Variants in TENM3 observed in about 807,000 individuals in gnomAD.
The protein encoded by TENM3 is teneurin-3.
In TENM3, 63 loss-of-function variants were observed where a neutral mutation model predicts 255.1. The ratio of observed to expected loss-of-function variants is 0.25; its 90% confidence interval spans 0.20 to 0.30. The LOEUF is 0.30. Among genes scored for constraint, TENM3 ranks in the 10% least tolerant of loss-of-function variants. The probability of loss-of-function intolerance (pLI) is 1.00; values close to 1 mark genes in which losing one functional copy is unlikely to be tolerated. For synonymous variants in TENM3, 1,306 were observed against 1,322.3 expected, an observed-to-expected ratio of 0.99 and a Z score of 0.27; for missense variants, 2,929 against 3,461.1, an observed-to-expected ratio of 0.85 and a Z score of 3.86.
chr4:182,762,962 C>T (rs1175227369), intron 22 of TENM3, among the ~76,000 whole-genome samples: 1 of 150,400 alleles, frequency 6.6e-6, no homozygotes, highest in South Asian at 2.1e-4. Context: ...AAGTTCATCC[C>T]AAAGTTTGGT....
the TENM3 span, among the ~76,000 whole-genome samples, chr4:181,447,999 G>A: frequency 6.6e-6 from 1 of 151,778 alleles, no homozygotes; most frequent in Non-Finnish European, 1.5e-5. Context: ...AGTGTGCAAT[G>A]CTACAAATGG....
intron 1 of TENM3, among the ~76,000 whole-genome samples, chr4:182,254,286 C>T (rs1296383305): frequency 6.6e-6 from 1 of 151,720 alleles, no homozygotes; most frequent in African/African-American, 2.4e-5. Flanking sequence ...CATCTTCAGC[C>T]GTTCCACCCA....
the TENM3 span, among the ~76,000 whole-genome samples, chr4:181,901,507 A>G: frequency 6.6e-6 from 1 of 152,230 alleles, no homozygotes; most frequent in African/African-American, 2.4e-5. Context: ...GATCCTGCCT[A>G]CAAGAATTAT....
At chr4:181,905,731 C>T in the TENM3 span, 2 of 238,366 alleles carry the variant, frequency 8.4e-6, no homozygotes, top group Non-Finnish European at 1.6e-5. Context: ...ACCTTAAAAG[C>T]CTGGTATGCT....
chr4:182,097,268 CTG>C, the TENM3 span, among the ~76,000 whole-genome samples: 1 of 152,172 alleles, frequency 6.6e-6, no homozygotes, highest in East Asian at 1.9e-4. Context: ...TCCTTTTACT[CTG>C]TTACTTCTCC....
At chr4:182,679,537 G>C in intron 7 of TENM3, 129 bp from the exon 8 acceptor site, 1 of 707,072 alleles carries the variant, frequency 1.4e-6, no homozygotes, top group Non-Finnish European at 2.4e-6. Context: ...CTACCATTTG[G>C]ACCTGTCAGG....
the TENM3 span, among the ~76,000 whole-genome samples, chr4:181,841,978 C>T: frequency 6.6e-6 from 1 of 152,106 alleles, no homozygotes; most frequent in African/African-American, 2.4e-5. Context: ...TTATCATATT[C>T]CATATCTATA....
At chr4:182,497,803 A>G (rs904359610) in intron 3 of TENM3, among the ~76,000 whole-genome samples, 2 of 151,000 alleles carry the variant, frequency 1.3e-5, no homozygotes, top group African/African-American at 2.5e-5. Context: ...TAGACACGTG[A>G]TGTATATATA....
At chr4:181,512,268 T>C in the TENM3 span, among the ~76,000 whole-genome samples, 4 of 152,190 alleles carry the variant, frequency 2.6e-5, no homozygotes, top group African/African-American at 9.6e-5. Context: ...ATCTGTCTCC[T>C]AACATTTCTC....
the TENM3 span, among the ~76,000 whole-genome samples, chr4:181,754,284 TCACA>T: frequency 0.036 from 5,231 of 144,556 alleles, 118 homozygotes; most frequent in Middle Eastern, 0.11. Flanking sequence ...TATATCCCAG[TCACA>T]CACACACACA....
At chr4:182,616,132 C>T (rs1749491309) in intron 4 of TENM3, among the ~76,000 whole-genome samples, 1 of 152,152 alleles carries the variant, frequency 6.6e-6, no homozygotes, top group Non-Finnish European at 1.5e-5. Flanking sequence ...TGCATTTCTG[C>T]TCATGTTGGT....
chr4:182,170,463 C>T (rs530640007), intron 1 of TENM3, among the ~76,000 whole-genome samples: 1 of 152,204 alleles, frequency 6.6e-6, no homozygotes, highest in Admixed American at 6.5e-5. Context: ...GGTTTACAAA[C>T]CCTGCCAAAT....
the TENM3 span, among the ~76,000 whole-genome samples, chr4:181,631,752 C>G: frequency 6.6e-6 from 1 of 152,070 alleles, no homozygotes; most frequent in Admixed American, 6.6e-5. Context: ...ATTCAGAGTC[C>G]CACTAAGTCA....
the TENM3 span, among the ~76,000 whole-genome samples, chr4:181,665,007 C>G: frequency 6.6e-6 from 1 of 152,124 alleles, no homozygotes; most frequent in African/African-American, 2.4e-5. Flanking sequence ...TCCTTTCATA[C>G]CCAAGTCAAC....
the TENM3 span, among the ~76,000 whole-genome samples, chr4:181,907,880 G>C: frequency 1.3e-5 from 2 of 152,214 alleles, no homozygotes; most frequent in South Asian, 4.1e-4. Flanking sequence ...AAATGCATAA[G>C]ACACTCCATG....
At chr4:182,412,285 A>G (rs781419055) in intron 3 of TENM3, among the ~76,000 whole-genome samples, 3 of 152,142 alleles carry the variant, frequency 2.0e-5, no homozygotes, top group Non-Finnish European at 4.4e-5. Context: ...AGGTGCCAAT[A>G]CAAGATCTGG....
At chr4:182,621,812 A>AATAATAATATAATAATATATAT (rs1750298187) in intron 4 of TENM3, among the ~76,000 whole-genome samples, 4 of 982 alleles carry the variant, frequency 4.1e-3, no homozygotes, top group African/African-American at 4.4e-3. Flanking sequence ...TATATATATT[A>AATAATAATATAATAATATATAT]TATATATATA....
intron 12 of TENM3, chr4:182,711,691 C>A: frequency 4.4e-6 from 2 of 449,504 alleles, no homozygotes; most frequent in Non-Finnish European, 5.9e-6. Flanking sequence ...CTTTTCCATG[C>A]ATATTTTTGT....
chr4:182,286,877 C>T (rs1274149443), intron 1 of TENM3, among the ~76,000 whole-genome samples: 1 of 152,104 alleles, frequency 6.6e-6, no homozygotes, highest in Non-Finnish European at 1.5e-5. Flanking sequence ...TTTGGAAACA[C>T]ATCAGATTAC....
Sources: gnomAD v4.1 joint callset for allele counts (sites outside exome capture counted in the v4.1 genomes callset) on GRCh38, gnomAD v4.1.1 for gene constraint, MANE v1.5 for transcripts, NCBI Gene and HGNC (gene_info 2026-07-23, HGNC 2026-07-21) for gene names.